The following SMUG1 variants were observed in gnomAD, a reference collection of about 807,000 sequenced individuals.
SMUG1 encodes single-strand selective monofunctional uracil DNA glycosylase.
SMUG1 carries 13 observed loss-of-function variants against 23.9 expected under a neutral mutation model. The observed-to-expected ratio is 0.54, with a 90% CI of 0.35 to 0.86. SMUG1 has a LOEUF of 0.86. SMUG1 is among the 40% of genes least tolerant of loss of function. SMUG1 has a pLI of 0.01. For missense variants in SMUG1, 313 were observed against 339.5 expected, an observed-to-expected ratio of 0.92 and a Z score of 0.61; for synonymous variants, 133 against 139.8, an observed-to-expected ratio of 0.95 and a Z score of 0.34.
chr12:54,183,461 G>A, intron 3 of SMUG1, 195 bp downstream of exon 3: 2 of 606,820 alleles, frequency 3.3e-6, no homozygotes, highest in Non-Finnish European at 5.9e-6. Flanking sequence ...CCATTAATGT[G>A]CTTGGTTAAT....
intron 2 of SMUG1, among the ~76,000 whole-genome samples, chr12:54,185,761 G>T (rs1294448137): frequency 6.6e-6 from 1 of 152,130 alleles, no homozygotes; most frequent in Non-Finnish European, 1.5e-5. Context: ...AGGTTGCAGT[G>T]AGCCGAGATT....
Position 54,182,463 on chromosome 12 carries a change from C to G in SMUG1, c.446G>C (p.Cys149Ser), listed in dbSNP as rs1239219238. 3 of 1,613,936 alleles carry G rather than the reference C, an allele frequency of 1.9e-6. No homozygotes were observed. The highest frequency in any genetic ancestry group is 2.7e-5 in the African/African-American group (2 of 74,924). The change falls in exon 4 of 4, where the codon TGT (cysteine) becomes TCT (serine). Residue 149 changes from cysteine (C) to serine (S), a missense_variant. Transcript: ENST00000682136. ...ARFWGFFRNL[C>S]GQPEVFFHHC... The stretch of plus-strand genomic sequence containing the variant: ...ATGGAAGAAGACCTCAGGCTGTCCA[C>G]AGAGGTTCCGGAAAAAGCCCCAGAA...
chr12:54,187,510 TGCTCCA>T lies in SMUG1; in HGVS notation c.-20+303_-20+308del, dbSNP rs992244544. On this transcript the variant is annotated intron_variant, in intron 2 of 3. Coordinates refer to ENST00000682136, the MANE Select transcript of SMUG1 (RefSeq NM_001243787.2). ...GCAACACCAACATTAGCAGATTGGC[TGCTCCA>T]GCTCTAGAATCTCGAGAAGTCTTGA... is the stretch of plus-strand genomic sequence containing the variant. Among the ~76,000 whole-genome samples, 15 of 152,350 alleles carry T rather than the reference TGCTCCA, an allele frequency of 9.8e-5. No homozygotes were observed. The East Asian group carries it at 2.9e-3, about 29-fold the overall frequency.
chr12:54,181,803 A>G lies in SMUG1; in HGVS notation c.*293T>C. On this transcript the variant is annotated 3_prime_UTR_variant, in exon 4 of 4. Transcript: ENST00000682136. ...GTCTCCCAAGGAAACACTGAGGTAG[A>G]GCAGTCTGCAAGTGCAAAAGCACAC... 2 of 1,430,248 alleles carry G rather than the reference A, an allele frequency of 1.4e-6. No homozygotes were observed. The allele number at this position is 1,430,248 out of a possible 1,614,324, so 88.6% of individuals were successfully genotyped here.
chr12:54,171,181 A>G (rs1330276472), intron 3 of SMUG1, among the ~76,000 whole-genome samples: 1 of 150,302 alleles, frequency 6.7e-6, no homozygotes, highest in East Asian at 2.0e-4. Flanking sequence ...TGTATTTTTC[A>G]GTAGAGATGG....
At chr12:54,177,694 A>C (rs954518091), downstream of SMUG1, among the ~76,000 whole-genome samples, 4 of 151,880 alleles carry the variant, frequency 2.6e-5, no homozygotes, top group African/African-American at 9.7e-5. Context: ...CCCTAAGGAC[A>C]CTCTCATTTG....
At chr12:54,176,696 A>ACT (rs1940767879), downstream of SMUG1, among the ~76,000 whole-genome samples, 1 of 150,984 alleles carries the variant, frequency 6.6e-6, no homozygotes, top group African/African-American at 2.4e-5. Context: ...AGTCCCAGCT[A>ACT]CTCAGGAGGC....
At chr12:54,165,957 A>C (rs1235863495) in intron 3 of SMUG1, among the ~76,000 whole-genome samples, 1 of 152,252 alleles carries the variant, frequency 6.6e-6, no homozygotes, top group East Asian at 1.9e-4. Flanking sequence ...GGAATTTTCT[A>C]TTCACTCTAC....
chr12:54,188,348 C>T (rs1326262145), intron 1 of SMUG1, among the ~76,000 whole-genome samples: 1 of 148,240 alleles, frequency 6.7e-6, no homozygotes, highest in Admixed American at 6.7e-5. Flanking sequence ...AATGCATAGG[C>T]CGGGCGCGGT....
chr12:54,185,674 G>A (rs541809800), intron 2 of SMUG1, among the ~76,000 whole-genome samples: 3 of 151,772 alleles, frequency 2.0e-5, no homozygotes, highest in South Asian at 2.1e-4. Context: ...AGCTGGGCAT[G>A]GTGGCACGTG....
downstream of SMUG1, among the ~76,000 whole-genome samples, chr12:54,176,607 C>T (rs1440197903): frequency 6.9e-6 from 1 of 144,292 alleles, no homozygotes; most frequent in Non-Finnish European, 1.5e-5. Context: ...GAGATTAAGA[C>T]CATCCTGGCT....
chr12:54,159,950 CTTT>C (rs1463118075), downstream of SMUG1, among the ~76,000 whole-genome samples: 1 of 152,216 alleles, frequency 6.6e-6, no homozygotes, highest in Non-Finnish European at 1.5e-5. Flanking sequence ...CTTGTGCCTT[CTTT>C]GTGTGTGCAC....
At chr12:54,175,413 C>T (rs1178654022), downstream of SMUG1, among the ~76,000 whole-genome samples, 1 of 152,250 alleles carries the variant, frequency 6.6e-6, no homozygotes, top group Non-Finnish European at 1.5e-5. Flanking sequence ...AATTCCTGGC[C>T]TCTGAGCCCC....
intron 2 of SMUG1, among the ~76,000 whole-genome samples, chr12:54,184,883 G>T (rs1046429885): frequency 1.3e-5 from 2 of 152,198 alleles, no homozygotes; most frequent in African/African-American, 4.8e-5. Context: ...CATAAGGAAG[G>T]CCAGGCATGG....
At chr12:54,166,998 T>C (rs2136535983) in intron 3 of SMUG1, among the ~76,000 whole-genome samples, 1 of 152,298 alleles carries the variant, frequency 6.6e-6, no homozygotes, top group African/African-American at 2.4e-5. Context: ...TGGAGATATC[T>C]AAGCAGGAAA....
downstream of SMUG1, among the ~76,000 whole-genome samples, chr12:54,179,510 C>T (rs1427461181): frequency 1.3e-5 from 2 of 152,158 alleles, no homozygotes; most frequent in East Asian, 1.9e-4. Context: ...TGCAACATGG[C>T]GCACTCACTA....
At chr12:54,168,512 T>C (rs1940542103) in intron 3 of SMUG1, 1 of 152,246 alleles carries the variant, frequency 6.6e-6, no homozygotes, top group Non-Finnish European at 1.5e-5. Flanking sequence ...GAACCAGAAA[T>C]GCCAGACCAG....
downstream of SMUG1, among the ~76,000 whole-genome samples, chr12:54,179,729 A>G (rs117707705): frequency 0.016 from 2,454 of 152,198 alleles, 42 homozygotes; most frequent in Non-Finnish European, 0.026. Flanking sequence ...AACTGGCTAT[A>G]AATTCAGGAG....
At chr12:54,176,517 A>ACGCC (rs1247915453), downstream of SMUG1, among the ~76,000 whole-genome samples, 22 of 74,902 alleles carry the variant, frequency 2.9e-4, 1 homozygote, top group African/African-American at 1.1e-3. Context: ...TCCCCCCCCA[A>ACGCC]AAAAAAAGGC....
Sources: gnomAD v4.1 joint callset for allele counts (sites outside exome capture counted in the v4.1 genomes callset) on GRCh38, gnomAD v4.1.1 for gene constraint, MANE v1.5 for transcripts, NCBI Gene and HGNC (gene_info 2026-07-23, HGNC 2026-07-21) for gene names.